FAM20A: variants seen among roughly 807,000 people sequenced by gnomAD.
FAM20A encodes FAM20A golgi associated secretory pathway pseudokinase, also known as pseudokinase FAM20A.
FAM20A carries 42 observed loss-of-function variants against 52.0 expected under a neutral mutation model. That is an observed-to-expected ratio of 0.81 (90% confidence interval 0.63 to 1.04). FAM20A has a LOEUF of 1.04. Ranked by LOEUF, FAM20A falls within the 50% of genes least tolerant of loss-of-function variation. The pLI, the probability that FAM20A is intolerant of heterozygous loss-of-function variation, is 0.00. For missense variants in FAM20A, 742 were observed against 712.7 expected (o/e 1.04, Z -0.47); for synonymous variants, 304 against 298.9 (o/e 1.02, Z -0.18).
Position 68,536,067 on chromosome 17 carries a change from A to G in FAM20A, c.*1410T>C. On this transcript the variant is annotated 3_prime_UTR_variant, in exon 11 of 11. Coordinates refer to ENST00000592554, the MANE Select transcript of FAM20A (RefSeq NM_017565.4). ...ACCTGGTCAGATCTCAGTGAATGGT[A>G]GTGATTTTAGAGAGACACAAAGTCC... is the stretch of plus-strand genomic sequence containing the variant. 1 of 454,068 alleles carries G rather than the reference A, an allele frequency of 2.2e-6. No individual in the cohort carries two copies. Among genetic ancestry groups the G allele is most frequent in the Non-Finnish European group, 4.4e-6 (1 of 226,782 alleles). 28.1% of individuals were successfully genotyped at this position (454,068 alleles called of 1,614,324 possible). A position where few individuals can be genotyped will look rare whatever the true frequency, so the allele number is the denominator to read the frequency against.
chr17:68,556,684 G>A (rs1183608683), intron 1 of FAM20A, among the ~76,000 whole-genome samples: 1 of 152,136 alleles, frequency 6.6e-6, no homozygotes, highest in Non-Finnish European at 1.5e-5. Context: ...GGGGATGAGA[G>A]AGGCAGGTTG....
At chr17:68,593,860 T>C (rs1272263890) in intron 1 of FAM20A, among the ~76,000 whole-genome samples, 1 of 152,216 alleles carries the variant, frequency 6.6e-6, no homozygotes, top group Non-Finnish European at 1.5e-5. Flanking sequence ...CAAAAAATTA[T>C]ATGGTACATA....
At chr17:68,586,579 A>C (rs1179853355) in intron 1 of FAM20A, among the ~76,000 whole-genome samples, 1 of 152,244 alleles carries the variant, frequency 6.6e-6, no homozygotes, top group Non-Finnish European at 1.5e-5. Flanking sequence ...GAAGAGGAGG[A>C]GGCAATGTGA....
At chr17:68,564,231 G>A (rs556174128) in intron 1 of FAM20A, among the ~76,000 whole-genome samples, 61 of 152,314 alleles carry the variant, frequency 4.0e-4, no homozygotes, top group African/African-American at 1.4e-3. Flanking sequence ...AGTAGTTTAA[G>A]CCCTCTGAGC....
rs745483908 is a variant in FAM20A at position 68,537,725 on chromosome 17, G to A, written c.1378C>T (p.Leu460Phe). 233 of 1,612,106 alleles carry A rather than the reference G, an allele frequency of 1.4e-4. No homozygotes were observed. Among genetic ancestry groups the A allele is most frequent in the Non-Finnish European group, 1.8e-4 (210 of 1,179,140 alleles). Residue 460 changes from leucine to phenylalanine, a missense_variant, in exon 11 of 11, where the codon CTT (leucine) becomes TTT (phenylalanine). Leu to Phe is a conservative substitution (Grantham distance 22). Transcript: ENST00000592554. This position sits in a 1 kb window ranked among gnomAD's most constrained non-coding sequence, Gnocchi z 4.2. ...TGGGCCAGCAGCTGCAGGTGCAAAAGTGTTTTCTTTTTTATCCTGAAAAGA... is the reference window on the plus strand; with the variant it reads ...TGGGCCAGCAGCTGCAGGTGCAAAAATGTTTTCTTTTTTATCCTGAAAAGA... ...SQCCMIKKKT[L>F]LHLQLLAQAD...
chr17:68,550,369 CTTTTTTTTT>C (rs747654899), intron 4 of FAM20A, among the ~76,000 whole-genome samples: 9 of 79,390 alleles, frequency 1.1e-4, no homozygotes, highest in East Asian at 9.3e-4. Context: ...AATGGGGGAA[CTTTTTTTTT>C]TTTTTTTTTT....
At chr17:68,539,420 T>C (rs983444175) in intron 9 of FAM20A, 24 bp from the exon 10 acceptor site, 1 of 1,612,006 alleles carries the variant, frequency 6.2e-7, no homozygotes, top group Non-Finnish European at 8.5e-7. Context: ...CAGGCTTTTA[T>C]GGGTGGCCGG....
At chr17:68,559,335 A>G (rs926904547) in intron 1 of FAM20A, among the ~76,000 whole-genome samples, 5 of 152,238 alleles carry the variant, frequency 3.3e-5, no homozygotes, top group African/African-American at 1.2e-4. Flanking sequence ...ATTTTCCCTC[A>G]AAAGCCATGC....
chr17:68,576,673 A>G (rs556175529), intron 1 of FAM20A, among the ~76,000 whole-genome samples: 2 of 152,210 alleles, frequency 1.3e-5, no homozygotes, highest in South Asian at 2.1e-4. Flanking sequence ...CGTTAGTTAC[A>G]TGTAGTTGGG....
intron 10 of FAM20A, among the ~76,000 whole-genome samples, chr17:68,538,945 C>T (rs770117638): frequency 6.6e-5 from 10 of 152,254 alleles, no homozygotes; most frequent in African/African-American, 1.4e-4. Context: ...GGTTTTGTCA[C>T]GGTGTGAACA....
intron 1 of FAM20A, among the ~76,000 whole-genome samples, chr17:68,558,637 T>C (rs2143730671): frequency 6.6e-6 from 1 of 152,358 alleles, no homozygotes; most frequent in Non-Finnish European, 1.5e-5. Flanking sequence ...AGAAGCAGCA[T>C]GCTTCCTGTA....
chr17:68,600,406 C>T lies in FAM20A; in HGVS notation c.261G>A (p.Gly87=), dbSNP rs779155000. The change falls in exon 1 of 11, where the codon GGG becomes GGA. Residue 87 remains glycine (G), a synonymous_variant. Transcript: ENST00000592554. This position sits in a 1 kb window ranked among gnomAD's most constrained non-coding sequence, Gnocchi z 6.2. The stretch of plus-strand genomic sequence containing the variant: ...AGAGGGCCTGCAACTTGGAGCTCGA[C>T]CCGCTGTGGCTGCCGCCAGCCGGTT... The part of the protein sequence containing the change: ...RTEPAGGSHS[G]SSSKLQALFA... The T allele has an allele frequency of 2.5e-6, 4 of 1,609,670 alleles. No homozygotes were observed. Among genetic ancestry groups the T allele is most frequent in the Admixed American group, 3.3e-5 (2 of 59,762 alleles).
chr17:68,541,158 T>A, intron 7 of FAM20A, 200 bp from the exon 8 acceptor site: 1 of 682,996 alleles, frequency 1.5e-6, no homozygotes, highest in Non-Finnish European at 2.4e-6. Context: ...TCCTGGGTCC[T>A]TTAAGTCTGG....
intron 1 of FAM20A, among the ~76,000 whole-genome samples, chr17:68,567,446 G>A (rs1568757485): frequency 6.6e-6 from 1 of 151,908 alleles, no homozygotes; most frequent in Non-Finnish European, 1.5e-5. Flanking sequence ...TGTGGCTTCT[G>A]TTCTGCCCAG....
intron 1 of FAM20A, among the ~76,000 whole-genome samples, chr17:68,581,350 T>TTC (rs1555831889): frequency 2.2e-5 from 2 of 92,218 alleles, no homozygotes; most frequent in African/African-American, 9.5e-5. Flanking sequence ...GAAATGCAGT[T>TTC]TTTCTTTCTT....
chr17:68,554,700 G>A (rs374046964), intron 3 of FAM20A, 77 bp downstream of exon 3: 7 of 1,429,696 alleles, frequency 4.9e-6, no homozygotes, highest in East Asian at 2.3e-5. Flanking sequence ...GCCCAAGGTC[G>A]CCACTGGAGT....
chr17:68,537,821 C>A lies in FAM20A; in HGVS notation c.1362-80G>T. On this transcript the variant is annotated intron_variant, in intron 10 of 10. Transcript: ENST00000592554. This position sits in a 1 kb window ranked among gnomAD's most constrained non-coding sequence, Gnocchi z 4.2. ...CCTGAACTTCTTTCCCCACAAACAG[C>A]TGTTGTAGCTGATACTCTTGGCGCC... 1 of 1,465,538 alleles carries A rather than the reference C, an allele frequency of 6.8e-7. No individual in the cohort carries two copies. Among genetic ancestry groups the A allele is most frequent in the South Asian group, 1.2e-5 (1 of 81,938 alleles). The allele number at this position is 1,465,538 out of a possible 1,614,324, so 90.8% of individuals were successfully genotyped here.
intron 1 of FAM20A, among the ~76,000 whole-genome samples, chr17:68,580,508 T>C (rs1304838854): frequency 6.6e-6 from 1 of 152,242 alleles, no homozygotes; most frequent in Non-Finnish European, 1.5e-5. Context: ...AACCTTATCC[T>C]GACCTCATAG....
rs761058695 is a variant in FAM20A, at chr17:68,537,559, G to T, written c.1544C>A (p.Ala515Asp). 1 of 1,613,370 alleles carries T rather than the reference G, an allele frequency of 6.2e-7. No homozygotes were observed. The highest frequency in any genetic ancestry group is 1.3e-5 in the African/African-American group (1 of 74,876). The change falls in exon 11 of 11, where the codon GCC becomes GAC. Residue 515 changes from alanine (A) to aspartate (D), a missense_variant. By Grantham distance (126) the Ala-to-Asp change is moderately radical. Transcript: ENST00000592554. This position sits in a 1 kb window ranked among gnomAD's most constrained non-coding sequence, Gnocchi z 4.2. ...ILRTVEGCIV[A>D]HGQQSVIVDG... is the part of the protein sequence containing the mutation. ...GACTATGACACTCTGCTGTCCATGG[G>T]CCACTATGCACCCCTCCACTGTCCT... is the stretch of plus-strand genomic sequence containing the variant.
Sources: allele counts gnomAD v4.1 joint callset (sites outside exome capture counted in the v4.1 genomes callset), GRCh38; gene constraint gnomAD v4.1.1; non-coding constraint Gnocchi (gnomAD v3.1); transcripts MANE v1.5; gene names NCBI Gene and HGNC (gene_info 2026-07-23, HGNC 2026-07-21).